Variants in NTM observed in about 807,000 individuals in gnomAD.
NTM encodes the protein neurotrimin.
Under a neutral mutation model 42.1 loss-of-function variants are expected in NTM, and 13 were observed. The ratio of observed to expected loss-of-function variants is 0.31; its 90% CI spans 0.20 to 0.49. NTM has a LOEUF of 0.49. NTM is among the 20% of genes least tolerant of loss of function. The pLI is 0.99. For synonymous variants in NTM, 187 were observed against 179.2 expected (o/e 1.04, Z -0.35); for missense variants, 373 against 452.8 (o/e 0.82, Z 1.60).
chr11:132,240,844 C>T (rs1467410828), intron 4 of NTM, among the ~76,000 whole-genome samples: 1 of 152,180 alleles, frequency 6.6e-6, no homozygotes, highest in African/African-American at 2.4e-5. Context: ...AATATTGTGG[C>T]TGGGGAAATC....
chr11:131,814,096 T>C (rs894745618), intron 1 of NTM, among the ~76,000 whole-genome samples: 1 of 152,178 alleles, frequency 6.6e-6, no homozygotes, highest in African/African-American at 2.4e-5. Flanking sequence ...AGAGCTAATG[T>C]ACTTCCCAGA....
At chr11:131,798,626 A>G (rs1212162202) in intron 1 of NTM, among the ~76,000 whole-genome samples, 1 of 152,228 alleles carries the variant, frequency 6.6e-6, no homozygotes, top group African/African-American at 2.4e-5. Context: ...CCTTCACCTC[A>G]AACAATTTAA....
At chr11:132,107,056 A>T (rs2062467439) in intron 2 of NTM, among the ~76,000 whole-genome samples, 1 of 152,132 alleles carries the variant, frequency 6.6e-6, no homozygotes. Context: ...TCCCAGACAT[A>T]TGCCTTTTTT....
chr11:132,276,813 T>G (rs2139775979), intron 4 of NTM, among the ~76,000 whole-genome samples: 1 of 152,258 alleles, frequency 6.6e-6, no homozygotes, highest in South Asian at 2.1e-4. Flanking sequence ...CCTTTATCCC[T>G]TACGATTCAG....
chr11:131,665,176 T>C (rs2068823357), intron 1 of NTM, among the ~76,000 whole-genome samples: 1 of 152,192 alleles, frequency 6.6e-6, no homozygotes, highest in South Asian at 2.1e-4. Context: ...TTACACATCC[T>C]TCCCACGCCT....
chr11:132,242,380 A>C lies in NTM; in HGVS notation c.526+30233A>C, dbSNP rs143084977. 5.3e-4 allele frequency among the ~76,000 whole-genome samples: 81 copies of C among 152,322 alleles called. No homozygotes were observed. The South Asian group carries it at 0.014, about 26-fold the overall frequency. On this transcript the variant is annotated intron_variant, in intron 4 of 8. Coordinates refer to ENST00000683400, the MANE Select transcript of NTM (RefSeq NM_001352005.2). ...AAGCTTCTCAATTTGTGAAGAAAAA[A>C]TGTTACATTTAGGGGAAAAAAGGGG...
At chr11:131,748,019 C>A (rs1282366036) in intron 1 of NTM, among the ~76,000 whole-genome samples, 2 of 152,202 alleles carry the variant, frequency 1.3e-5, no homozygotes, top group Non-Finnish European at 2.9e-5. Context: ...CCTGATACAT[C>A]TTTCTTAGCA....
intron 1 of NTM, among the ~76,000 whole-genome samples, chr11:131,390,630 G>A (rs66771462): frequency 0.03 from 4,570 of 152,278 alleles, 103 homozygotes; most frequent in Middle Eastern, 0.044. Context: ...CTAGAAAGAA[G>A]AAAGTGGTGC....
rs148050032 is a variant in NTM at position 131,627,809 on chromosome 11, C to T, written c.82+256921C>T. Among the ~76,000 whole-genome samples, 684 of 152,172 alleles carry T rather than the reference C, an allele frequency of 4.5e-3. 2 individuals are homozygous for T. Among genetic ancestry groups the T allele is most frequent in the African/African-American group, 0.016 (644 of 41,524 alleles). On this transcript the variant is annotated intron_variant, in intron 1 of 8. Transcript: ENST00000683400. ...TTGTACCACTGCATTCCAGCTTGGA[C>T]GACAGAGTAAGACTCTGTCTTAACA...
At chr11:131,480,314 CTCTG>C (rs1362735261) in intron 1 of NTM, among the ~76,000 whole-genome samples, 5 of 152,098 alleles carry the variant, frequency 3.3e-5, no homozygotes, top group Admixed American at 2.0e-4. Context: ...TGAAGGACAA[CTCTG>C]TCTGTTCCTT....
chr11:131,613,677 G>C (rs2061651945), intron 1 of NTM, among the ~76,000 whole-genome samples: 2 of 152,132 alleles, frequency 1.3e-5, no homozygotes, highest in South Asian at 2.1e-4. Flanking sequence ...GGCGTGTGTG[G>C]TCACCTTTCA....
chr11:131,529,410 G>A (rs1046451930), intron 1 of NTM, among the ~76,000 whole-genome samples: 1 of 152,190 alleles, frequency 6.6e-6, no homozygotes, highest in Admixed American at 6.5e-5. Flanking sequence ...GAACCTTGAG[G>A]GAAAAATTAG....
intron 1 of NTM, chr11:131,911,213 TC>T: frequency 7.2e-7 from 1 of 1,385,644 alleles, no homozygotes; most frequent in African/African-American, 1.5e-5. Flanking sequence ...TCGGCCACCT[TC>T]CCGGCGGAAG....
At chr11:131,379,156 T>A (rs377674786) in intron 1 of NTM, among the ~76,000 whole-genome samples, 35 of 152,292 alleles carry the variant, frequency 2.3e-4, no homozygotes, top group African/African-American at 6.5e-4. Context: ...CACAACCAGC[T>A]CAGGCTGGGA....
chr11:131,584,003 T>G (rs575702025), intron 1 of NTM, among the ~76,000 whole-genome samples: 2 of 152,324 alleles, frequency 1.3e-5, no homozygotes, highest in Non-Finnish European at 1.5e-5. Flanking sequence ...TGCTTGCTTT[T>G]GAGTCCATTT....
chr11:131,703,751 C>T (rs531742496), intron 1 of NTM, among the ~76,000 whole-genome samples: 3 of 152,308 alleles, frequency 2.0e-5, no homozygotes, highest in Non-Finnish European at 2.9e-5. Context: ...ACCACCCAAA[C>T]GTCACTCAGC....
At chr11:131,570,793 A>G (rs909939112) in intron 1 of NTM, among the ~76,000 whole-genome samples, 1 of 152,256 alleles carries the variant, frequency 6.6e-6, no homozygotes, top group African/African-American at 2.4e-5. Flanking sequence ...ACTGCACTCC[A>G]GCCTGGCAAC....
chr11:132,092,637 T>C (rs1267817426), intron 2 of NTM, among the ~76,000 whole-genome samples: 1 of 152,200 alleles, frequency 6.6e-6, no homozygotes, highest in Admixed American at 6.5e-5. Context: ...TGCTGATGAC[T>C]CCCTCATCGA....
At chr11:132,196,729 A>C (rs1374323332) in intron 3 of NTM, among the ~76,000 whole-genome samples, 1 of 152,172 alleles carries the variant, frequency 6.6e-6, no homozygotes, top group African/African-American at 2.4e-5. Context: ...CATTGAATAC[A>C]CATAGACACA....
Sources: allele counts gnomAD v4.1 joint callset (sites outside exome capture counted in the v4.1 genomes callset), GRCh38; gene constraint gnomAD v4.1.1; transcripts MANE v1.5; gene names NCBI Gene and HGNC (gene_info 2026-07-23, HGNC 2026-07-21).